DDR2: variants seen among roughly 807,000 people sequenced by gnomAD.
DDR2 encodes discoidin domain-containing receptor 2.
In DDR2, 27 loss-of-function variants were observed where a neutral mutation model predicts 94.9. The ratio of observed to expected loss-of-function variants is 0.28; its 90% CI spans 0.21 to 0.39. The LOEUF is 0.39. DDR2 is among the 10% of genes least tolerant of loss of function. The pLI is 1.00. For synonymous variants in DDR2, 382 were observed against 377.2 expected (o/e 1.01, Z -0.15); for missense variants, 783 against 1,076.0 (o/e 0.73, Z 3.81).
chr1:162,632,781 C>T (rs970198396), intron 1 of DDR2, 150 bp downstream of exon 1: 7 of 152,132 alleles, frequency 4.6e-5, no homozygotes, highest in African/African-American at 1.7e-4. Context: ...TAATGAGGCA[C>T]CACAGACTCG....
chr1:162,761,368 T>A lies in DDR2; in HGVS notation c.1013T>A (p.Leu338His). 6.2e-7 allele frequency: 1 copy of A among 1,614,198 alleles called. No individual in the cohort carries two copies. The highest frequency in any genetic ancestry group is 8.5e-7 in the Non-Finnish European group (1 of 1,180,026). The change falls in exon 9 of 18, where the codon CTC (leucine) becomes CAC (histidine). Residue 338 changes from leucine (L) to histidine (H), a missense_variant. Coordinates refer to ENST00000367921, the MANE Select transcript of DDR2 (RefSeq NM_006182.4). ...AGTGCTCGGTTTGTCACGGTGCCTCTCCACCACCGAATGGCCAGTGCCATC... is the reference window on the plus strand; with the variant it reads ...AGTGCTCGGTTTGTCACGGTGCCTCACCACCACCGAATGGCCAGTGCCATC... Reference protein sequence around the residue: ...NPSARFVTVPLHHRMASAIKC... With the variant: ...NPSARFVTVPHHHRMASAIKC...
intron 6 of DDR2, 44 bp downstream of exon 6, chr1:162,755,347 C>T: frequency 6.2e-7 from 1 of 1,611,380 alleles, no homozygotes; most frequent in Non-Finnish European, 8.5e-7. Context: ...ATTAAAAACT[C>T]CAACTTCTGG....
intron 1 of DDR2, among the ~76,000 whole-genome samples, chr1:162,640,083 C>T (rs1024319418): frequency 1.3e-5 from 2 of 151,740 alleles, no homozygotes; most frequent in African/African-American, 4.8e-5. Flanking sequence ...GCTCTGTCGC[C>T]CAGGCTGGAG....
chr1:162,743,820 C>T (rs1046952949), intron 3 of DDR2, among the ~76,000 whole-genome samples: 3 of 152,212 alleles, frequency 2.0e-5, no homozygotes, highest in Non-Finnish European at 4.4e-5. Context: ...ATAATGACCA[C>T]ATCCATCACT....
chr1:162,712,269 C>A (rs936064080), intron 2 of DDR2, among the ~76,000 whole-genome samples: 3 of 149,742 alleles, frequency 2.0e-5, no homozygotes, highest in South Asian at 2.2e-4. Flanking sequence ...TAGGTAGGAG[C>A]AAACCCTGCC....
intron 1 of DDR2, 81 bp downstream of exon 1, chr1:162,632,712 C>T (rs1036911794): frequency 6.6e-6 from 1 of 151,672 alleles, no homozygotes; most frequent in African/African-American, 2.4e-5. Context: ...TTTGGTGTTT[C>T]AGGAAAAGTT....
At chr1:162,742,323 G>A (rs1198918131) in intron 3 of DDR2, among the ~76,000 whole-genome samples, 2 of 152,150 alleles carry the variant, frequency 1.3e-5, no homozygotes, top group African/African-American at 4.8e-5. Context: ...GGCTTAATTA[G>A]CTCATAATTC....
At position 162,754,618 on chromosome 1, in the gene DDR2, C is replaced by A. The variant is rs1356234146; in HGVS notation, c.186-6C>A. The A allele has an allele frequency of 6.2e-7, 1 of 1,614,106 alleles. No individual in the cohort carries two copies. The highest frequency in any genetic ancestry group is 2.2e-5 in the East Asian group (1 of 44,880). On this transcript the variant is annotated splice_region_variant and splice_polypyrimidine_tract_variant and intron_variant, in intron 4 of 17. Coordinates refer to ENST00000367921, the MANE Select transcript of DDR2 (RefSeq NM_006182.4). ...CTCCCTCTCTCCCCAACCCTCACCT[C>A]TCAAGGCTGGACTCAGAAGAAGGGG...
At chr1:162,762,984 C>T (rs1663816711) in intron 9 of DDR2, among the ~76,000 whole-genome samples, 1 of 152,038 alleles carries the variant, frequency 6.6e-6, no homozygotes, top group Non-Finnish European at 1.5e-5. Flanking sequence ...TTACAGGTGC[C>T]TGCCACTGCG....
Position 162,755,710 on chromosome 1 carries a change from C to G in DDR2, c.612C>G (p.Leu204=). The G allele has an allele frequency of 1.2e-6, 2 of 1,614,142 alleles. No individual in the cohort carries two copies. Among genetic ancestry groups the G allele is most frequent in the Non-Finnish European group, 1.7e-6 (2 of 1,180,006 alleles). ...CTCCAGCTGGGCAGCAGTTTGTACT[C>G]CCTGGAGGTTCCATCATTTATCTGA... ...YNAPAGQQFV[L]PGGSIIYLND... is the part of the protein sequence containing the mutation. Residue 204 remains leucine (L), a synonymous_variant, in exon 7 of 18, where the codon CTC becomes CTG. Transcript: ENST00000367921.
At chr1:162,754,578 G>T (rs1187693157) in intron 4 of DDR2, 46 bp from the exon 5 acceptor site, 1 of 1,592,156 alleles carries the variant, frequency 6.3e-7, no homozygotes, top group South Asian at 1.1e-5. Flanking sequence ...AAACAGCTCT[G>T]TGGTTTCATG....
chr1:162,777,114 G>T (rs1647607831), intron 16 of DDR2, among the ~76,000 whole-genome samples: 1 of 152,020 alleles, frequency 6.6e-6, no homozygotes, highest in Non-Finnish European at 1.5e-5. Flanking sequence ...ATTCTTATAG[G>T]ATTTGTAAAT....
intron 2 of DDR2, among the ~76,000 whole-genome samples, chr1:162,661,955 C>T (rs1247892110): frequency 9.9e-5 from 15 of 152,064 alleles, no homozygotes; most frequent in Admixed American, 2.0e-4. Context: ...GTGAAGAGTC[C>T]GGGTAGACAT....
Position 162,666,084 on chromosome 1 carries a change from C to T in DDR2, c.-28+10710C>T, listed in dbSNP as rs79611020. On this transcript the variant is annotated intron_variant, in intron 2 of 17. Transcript: ENST00000367921. Reference sequence around the variant, plus strand: ...GAGGTTGAGAAACTGTGTACCAAAACGCCAAGAGCATCTTTGCCATGTTCC... The same window carrying T: ...GAGGTTGAGAAACTGTGTACCAAAATGCCAAGAGCATCTTTGCCATGTTCC... Among the ~76,000 whole-genome samples the T allele has an allele frequency of 3.8e-3, 584 of 152,256 alleles. 1 individual carries two copies. The highest frequency in any genetic ancestry group is 0.013 in the African/African-American group (554 of 41,556).
intron 6 of DDR2, 49 bp downstream of exon 6, chr1:162,755,352 T>G: frequency 6.2e-7 from 1 of 1,609,478 alleles, no homozygotes; most frequent in Non-Finnish European, 8.5e-7. Context: ...AAACTCCAAC[T>G]TCTGGGAAAT....
At chr1:162,682,138 A>G (rs1659438788) in intron 2 of DDR2, among the ~76,000 whole-genome samples, 2 of 151,832 alleles carry the variant, frequency 1.3e-5, no homozygotes, top group African/African-American at 4.8e-5. Flanking sequence ...GGAGAAACCC[A>G]CAGTGAGAGT....
chr1:162,770,186 G>A (rs1664193418), intron 11 of DDR2, 116 bp from the exon 12 acceptor site: 2 of 1,016,864 alleles, frequency 2.0e-6, no homozygotes, highest in Admixed American at 1.7e-5. Flanking sequence ...GTGTTGCTGG[G>A]GTTAAACAGT....
At chr1:162,634,804 C>G (rs1656735681) in intron 1 of DDR2, among the ~76,000 whole-genome samples, 1 of 152,328 alleles carries the variant, frequency 6.6e-6, no homozygotes, top group Middle Eastern at 3.4e-3. Context: ...GGACCAGTCC[C>G]CTGATTGCTC....
intron 2 of DDR2, among the ~76,000 whole-genome samples, chr1:162,664,538 G>A (rs1394287506): frequency 1.3e-5 from 2 of 152,030 alleles, no homozygotes; most frequent in Non-Finnish European, 2.9e-5. Context: ...GGTTTTGAGA[G>A]TTTTAGATAA....
Sources: gnomAD v4.1 joint callset for allele counts (sites outside exome capture counted in the v4.1 genomes callset) on GRCh38, gnomAD v4.1.1 for gene constraint, MANE v1.5 for transcripts, NCBI Gene and HGNC (gene_info 2026-07-23, HGNC 2026-07-21) for gene names.